The following DLG2 variants were observed in gnomAD, a reference collection of about 807,000 sequenced individuals.
DLG2 encodes the protein discs large MAGUK scaffold protein 2, also known as disks large homolog 2.
In DLG2, 45 loss-of-function variants were observed where a neutral mutation model predicts 132.5. The observed-to-expected ratio is 0.34, with a 90% CI of 0.27 to 0.44. DLG2 has a LOEUF of 0.44. DLG2 is among the 20% of genes least tolerant of loss of function. The pLI is 1.00. For synonymous variants in DLG2, 424 were observed against 419.6 expected, an observed-to-expected ratio of 1.01 and a Z score of -0.13; for missense variants, 1,045 against 1,196.9, an observed-to-expected ratio of 0.87 and a Z score of 1.87.
chr11:84,863,258 C>G (rs2084032990), intron 6 of DLG2, among the ~76,000 whole-genome samples: 1 of 152,078 alleles, frequency 6.6e-6, no homozygotes. Context: ...GCTTCTGACC[C>G]AGTGCCAGCT....
intron 3 of DLG2, among the ~76,000 whole-genome samples, chr11:85,350,108 C>A (rs1176849181): frequency 6.6e-6 from 1 of 152,232 alleles, no homozygotes; most frequent in Non-Finnish European, 1.5e-5. Flanking sequence ...GCCATTCTAA[C>A]TGGCATGAGA....
At chr11:85,458,530 T>G (rs1025722546) in intron 3 of DLG2, among the ~76,000 whole-genome samples, 2 of 152,236 alleles carry the variant, frequency 1.3e-5, no homozygotes, top group Non-Finnish European at 2.9e-5. Flanking sequence ...GTTCTCGCAC[T>G]GGTTCTTTTT....
intron 6 of DLG2, among the ~76,000 whole-genome samples, chr11:84,600,631 CAGGAATTTAAAAA>C (rs1270157206): frequency 3.3e-5 from 5 of 152,058 alleles, no homozygotes; most frequent in African/African-American, 1.2e-4. Flanking sequence ...ATTCATTCTT[CAGGAATTTAAAAA>C]GGGAATTTAT....
intron 11 of DLG2, among the ~76,000 whole-genome samples, chr11:84,047,948 A>G (rs575061005): frequency 1.8e-4 from 27 of 151,754 alleles, no homozygotes; most frequent in African/African-American, 6.0e-4. Context: ...GATTTGCTAC[A>G]CAATCTTAGG....
At chr11:83,877,247 C>A (rs1795620129) in intron 15 of DLG2, among the ~76,000 whole-genome samples, 1 of 152,172 alleles carries the variant, frequency 6.6e-6, no homozygotes, top group South Asian at 2.1e-4. Flanking sequence ...TTGTAATGAG[C>A]ATTTCTTTGT....
chr11:83,985,975 GT>G (rs2093257739), intron 11 of DLG2, among the ~76,000 whole-genome samples: 1 of 151,938 alleles, frequency 6.6e-6, no homozygotes, highest in Non-Finnish European at 1.5e-5. Flanking sequence ...CATCAACAGT[GT>G]AAAAGCATTC....
intron 10 of DLG2, among the ~76,000 whole-genome samples, chr11:84,060,011 C>A (rs2096565550): frequency 6.6e-6 from 1 of 152,052 alleles, no homozygotes; most frequent in African/African-American, 2.4e-5. Flanking sequence ...TTGACTCAAT[C>A]ATCTAAAATA....
chr11:83,488,103 A>T (rs1387163318), intron 21 of DLG2, among the ~76,000 whole-genome samples: 2 of 152,100 alleles, frequency 1.3e-5, no homozygotes, highest in Non-Finnish European at 2.9e-5. Context: ...ATTTCTTTTT[A>T]AAAAAGGACC....
intron 6 of DLG2, among the ~76,000 whole-genome samples, chr11:84,787,976 C>T (rs2073194393): frequency 6.6e-6 from 1 of 150,886 alleles, no homozygotes; most frequent in African/African-American, 2.4e-5. Flanking sequence ...ATGGTGCATG[C>T]CTGTAGTCCC....
chr11:85,462,243 C>T (rs568109172), intron 3 of DLG2, among the ~76,000 whole-genome samples: 7 of 152,308 alleles, frequency 4.6e-5, no homozygotes, highest in African/African-American at 1.4e-4. Context: ...GTCAGTGTGG[C>T]GATTCCTCAG....
intron 6 of DLG2, among the ~76,000 whole-genome samples, chr11:84,613,660 A>G (rs1483532972): frequency 6.6e-6 from 1 of 152,212 alleles, no homozygotes; most frequent in African/African-American, 2.4e-5. Flanking sequence ...CCACAGATAC[A>G]ATGCCTAATT....
intron 7 of DLG2, among the ~76,000 whole-genome samples, chr11:84,440,673 T>C (rs1399228518): frequency 6.6e-6 from 1 of 152,206 alleles, no homozygotes; most frequent in Non-Finnish European, 1.5e-5. Context: ...CCTTTTCCTT[T>C]ATAATTTTAT....
intron 6 of DLG2, among the ~76,000 whole-genome samples, chr11:84,884,826 A>G (rs561269359): frequency 2.6e-5 from 4 of 152,244 alleles, no homozygotes; most frequent in African/African-American, 9.6e-5. Flanking sequence ...AATTACAACA[A>G]TAAACAATTC....
At chr11:84,471,582 G>A (rs2099108466) in intron 7 of DLG2, among the ~76,000 whole-genome samples, 1 of 151,758 alleles carries the variant, frequency 6.6e-6, no homozygotes. Context: ...AGGAGTGAAA[G>A]GGGATTCCGT....
chr11:85,153,314 G>A (rs1342063624), intron 5 of DLG2, among the ~76,000 whole-genome samples: 2 of 151,968 alleles, frequency 1.3e-5, no homozygotes, highest in Admixed American at 6.6e-5. Flanking sequence ...CTCCTCTAAA[G>A]GTATTTTCTT....
At chr11:85,480,494 C>CA (rs2093261888) in intron 3 of DLG2, among the ~76,000 whole-genome samples, 2 of 151,738 alleles carry the variant, frequency 1.3e-5, no homozygotes, top group African/African-American at 4.8e-5. Context: ...AGGCGAGCTG[C>CA]AAAAAAATGC....
intron 7 of DLG2, among the ~76,000 whole-genome samples, chr11:84,391,003 T>A (rs1372908981): frequency 6.6e-6 from 1 of 152,158 alleles, no homozygotes; most frequent in Non-Finnish European, 1.5e-5. Context: ...AAACTGCTTA[T>A]GCTAATTCTC....
intron 11 of DLG2, among the ~76,000 whole-genome samples, chr11:84,052,074 G>A (rs975566019): frequency 3.0e-4 from 45 of 151,910 alleles, no homozygotes; most frequent in African/African-American, 9.4e-4. Flanking sequence ...AATATACTTG[G>A]AGCTATTTCT....
intron 6 of DLG2, among the ~76,000 whole-genome samples, chr11:84,875,977 A>G (rs937871725): frequency 6.6e-6 from 1 of 152,166 alleles, no homozygotes; most frequent in African/African-American, 2.4e-5. Flanking sequence ...ACCTCAAGTG[A>G]TCCACCTGCC....
Sources: allele counts gnomAD v4.1 joint callset (sites outside exome capture counted in the v4.1 genomes callset), GRCh38; gene constraint gnomAD v4.1.1; transcripts MANE v1.5; gene names NCBI Gene and HGNC (gene_info 2026-07-23, HGNC 2026-07-21).